Variants in CHN2 observed in about 807,000 individuals in gnomAD.
CHN2 encodes the protein chimerin 2, also known as beta-chimaerin.
CHN2 carries 35 observed loss-of-function variants against 56.3 expected under a neutral mutation model. That is an observed-to-expected ratio of 0.62 (90% CI 0.47 to 0.82). CHN2 has a LOEUF of 0.82. CHN2 is among the 40% of genes least tolerant of loss of function. CHN2 has a pLI of 0.00. For missense variants in CHN2, 491 were observed against 580.5 expected, an observed-to-expected ratio of 0.85 and a Z score of 1.58; for synonymous variants, 210 against 212.8, an observed-to-expected ratio of 0.99 and a Z score of 0.12.
intron 6 of CHN2, chr7:29,479,767 T>C: frequency 8.4e-7 from 1 of 1,185,388 alleles, no homozygotes; most frequent in South Asian, 1.9e-5. Context: ...CTTTGCAATG[T>C]GCTGCGGCAG....
intron 6 of CHN2, among the ~76,000 whole-genome samples, chr7:29,428,866 G>T (rs1200770444): frequency 6.6e-6 from 1 of 152,136 alleles, no homozygotes; most frequent in South Asian, 2.1e-4. Context: ...CCTAAATAAA[G>T]AATATAAAGA....
intron 6 of CHN2, among the ~76,000 whole-genome samples, chr7:29,441,307 C>T (rs972555703): frequency 6.6e-6 from 1 of 152,152 alleles, no homozygotes; most frequent in Non-Finnish European, 1.5e-5. Flanking sequence ...CATGAACTAA[C>T]TCAAAATGGA....
intron 1 of CHN2, among the ~76,000 whole-genome samples, chr7:29,254,833 G>T (rs1047578699): frequency 2.0e-5 from 3 of 152,194 alleles, no homozygotes; most frequent in African/African-American, 7.2e-5. Flanking sequence ...TGTTGTGCAA[G>T]GGAGTCTGGG....
At chr7:29,276,176 C>T (rs1298663269) in intron 1 of CHN2, among the ~76,000 whole-genome samples, 1 of 125,328 alleles carries the variant, frequency 8.0e-6, no homozygotes, top group Non-Finnish European at 1.7e-5. Flanking sequence ...CAAGAGCTTT[C>T]CAAGCAGCAC....
intron 6 of CHN2, among the ~76,000 whole-genome samples, chr7:29,443,841 C>T (rs1783846716): frequency 6.6e-6 from 1 of 152,156 alleles, no homozygotes; most frequent in Non-Finnish European, 1.5e-5. Flanking sequence ...TCCCTCCACT[C>T]ACATTTTATT....
chr7:29,178,846 A>T (rs1562810902), intron 2 of CHN2, among the ~76,000 whole-genome samples: 1 of 152,228 alleles, frequency 6.6e-6, no homozygotes, highest in Non-Finnish European at 1.5e-5. Flanking sequence ...CAGCCAATAA[A>T]AATGGGTTTG....
chr7:29,252,582 T>TTTTTTTTTTGTTTTGTTTTG (rs1788680475), intron 1 of CHN2, among the ~76,000 whole-genome samples: 2 of 18,784 alleles, frequency 1.1e-4, no homozygotes, highest in Non-Finnish European at 8.2e-5. Context: ...TTCTTTGTTT[T>TTTTTTTTTTGTTTTGTTTTG]TTTTTTTTTT....
chr7:29,315,614 T>TA (rs1434844431), intron 1 of CHN2, among the ~76,000 whole-genome samples: 5 of 152,112 alleles, frequency 3.3e-5, no homozygotes, highest in Non-Finnish European at 5.9e-5. Context: ...ATAGATGACA[T>TA]AAAAAATGGG....
At chr7:29,206,879 G>C (rs1166680423) in intron 1 of CHN2, among the ~76,000 whole-genome samples, 1 of 152,174 alleles carries the variant, frequency 6.6e-6, no homozygotes, top group Non-Finnish European at 1.5e-5. Context: ...CACGCATATG[G>C]AACACTCAAG....
At chr7:29,305,447 A>G (rs1167254907) in intron 1 of CHN2, among the ~76,000 whole-genome samples, 1 of 152,026 alleles carries the variant, frequency 6.6e-6, no homozygotes, top group Non-Finnish European at 1.5e-5. Flanking sequence ...CTCTTCTATG[A>G]TAAAGATCAG....
chr7:29,258,097 T>C (rs991873033), intron 1 of CHN2, among the ~76,000 whole-genome samples: 3 of 152,182 alleles, frequency 2.0e-5, no homozygotes, highest in Non-Finnish European at 4.4e-5. Context: ...CAGATTTATC[T>C]TGATGAAATA....
chr7:29,435,223 A>G (rs1676473871), intron 6 of CHN2, among the ~76,000 whole-genome samples: 1 of 152,346 alleles, frequency 6.6e-6, no homozygotes, highest in Middle Eastern at 3.4e-3. Flanking sequence ...AGAGAAACCA[A>G]AAGTGAATGG....
At chr7:29,351,107 CAAAAAA>C (rs55787771) in intron 1 of CHN2, among the ~76,000 whole-genome samples, 5 of 70,074 alleles carry the variant, frequency 7.1e-5, no homozygotes, top group East Asian at 4.8e-4. Flanking sequence ...GACTCCATCT[CAAAAAA>C]AAAAAAAAAA....
At chr7:29,246,567 G>A (rs1788094203) in intron 1 of CHN2, among the ~76,000 whole-genome samples, 1 of 152,122 alleles carries the variant, frequency 6.6e-6, no homozygotes, top group African/African-American at 2.4e-5. Flanking sequence ...AGGTGCTATG[G>A]AGTCAAAGGT....
At chr7:29,420,636 A>G (rs576630094) in intron 6 of CHN2, among the ~76,000 whole-genome samples, 159 of 152,340 alleles carry the variant, frequency 1.0e-3, no homozygotes, top group African/African-American at 3.8e-3. Context: ...ATGGTTGTCA[A>G]GGGCTGAGGG....
At chr7:29,247,678 C>A (rs1055095035) in intron 1 of CHN2, among the ~76,000 whole-genome samples, 1 of 152,240 alleles carries the variant, frequency 6.6e-6, no homozygotes, top group African/African-American at 2.4e-5. Flanking sequence ...GATGGTGCCT[C>A]ACGAACCCTG....
intron 2 of CHN2, among the ~76,000 whole-genome samples, chr7:29,165,329 C>T (rs1795771708): frequency 6.6e-6 from 1 of 152,090 alleles, no homozygotes; most frequent in African/African-American, 2.4e-5. Flanking sequence ...TTGGATTGAT[C>T]TTTACTACTG....
intron 6 of CHN2, among the ~76,000 whole-genome samples, chr7:29,414,760 T>G (rs961815634): frequency 7.2e-5 from 11 of 152,196 alleles, no homozygotes; most frequent in African/African-American, 2.7e-4. Flanking sequence ...AATTCAAGTT[T>G]TCTGAGCCCA....
At chr7:29,428,761 A>C (rs746877547) in intron 6 of CHN2, among the ~76,000 whole-genome samples, 21 of 152,272 alleles carry the variant, frequency 1.4e-4, no homozygotes, top group Non-Finnish European at 2.4e-4. Flanking sequence ...GGCCTATAAA[A>C]TTTATATTTT....
Sources: allele counts gnomAD v4.1 joint callset (sites outside exome capture counted in the v4.1 genomes callset), GRCh38; gene constraint gnomAD v4.1.1; transcripts MANE v1.5; gene names NCBI Gene and HGNC (gene_info 2026-07-23, HGNC 2026-07-21).